NPAS2: variants seen among roughly 807,000 people sequenced by gnomAD.
The protein encoded by NPAS2 is neuronal PAS domain protein 2, also known as neuronal PAS domain-containing protein 2.
A neutral mutation model predicts 107.5 loss-of-function variants in NPAS2; 23 were observed. The observed-to-expected ratio is 0.21, with a 90% CI of 0.15 to 0.30. The LOEUF is 0.30. Ranked by LOEUF, NPAS2 falls within the 10% of genes least tolerant of loss-of-function variation. NPAS2 has a pLI of 1.00. For missense variants in NPAS2, 756 were observed against 1,043.3 expected (o/e 0.72, Z 3.79); for synonymous variants, 403 against 417.5 (o/e 0.97, Z 0.42).
chr2:100,984,305 G>T (rs1553466628), intron 16 of NPAS2: 1 of 151,954 alleles, frequency 6.6e-6, no homozygotes, highest in Non-Finnish European at 1.5e-5. Context: ...TGTGATATTT[G>T]TTTTTTTTAA....
intron 7 of NPAS2, among the ~76,000 whole-genome samples, chr2:100,952,069 G>C (rs530246309): frequency 6.8e-6 from 1 of 148,050 alleles, no homozygotes; most frequent in Non-Finnish European, 1.5e-5. Flanking sequence ...GAAGAATGGC[G>C]TGAACCCGGG....
chr2:100,923,636 T>C (rs1683379121), intron 2 of NPAS2, among the ~76,000 whole-genome samples: 1 of 152,152 alleles, frequency 6.6e-6, no homozygotes, highest in Non-Finnish European at 1.5e-5. Context: ...CTGAGAACCA[T>C]GACCCCGGGC....
At chr2:100,962,027 G>A (rs6747874) in intron 7 of NPAS2, among the ~76,000 whole-genome samples, 46,273 of 151,834 alleles carry the variant, frequency 0.3, 7,888 homozygotes, top group East Asian at 0.71. Flanking sequence ...TTAATTATGC[G>A]GATGTTCACA....
At chr2:100,904,328 G>A (rs1053160864) in intron 1 of NPAS2, among the ~76,000 whole-genome samples, 4 of 152,234 alleles carry the variant, frequency 2.6e-5, no homozygotes, top group Non-Finnish European at 4.4e-5. Context: ...ACTTCTCAAA[G>A]TGTGGTCTGA....
intron 1 of NPAS2, chr2:100,821,175 G>A: frequency 1.5e-6 from 2 of 1,304,596 alleles, no homozygotes; most frequent in South Asian, 2.5e-5. Flanking sequence ...CCGCTCCTCT[G>A]CTTGCCACTC....
At chr2:100,978,438 G>T (rs1020042309) in intron 15 of NPAS2, among the ~76,000 whole-genome samples, 1 of 151,840 alleles carries the variant, frequency 6.6e-6, no homozygotes, top group Non-Finnish European at 1.5e-5. Flanking sequence ...TTTTAGAAAA[G>T]GTCTGAATTG....
intron 15 of NPAS2, among the ~76,000 whole-genome samples, chr2:100,978,827 G>A (rs1345341395): frequency 2.0e-5 from 3 of 152,226 alleles, no homozygotes; most frequent in African/African-American, 4.8e-5. Context: ...AGTTGGCCCC[G>A]GAAAGGTGGG....
intron 2 of NPAS2, among the ~76,000 whole-genome samples, chr2:100,916,308 A>G (rs1682877456): frequency 6.6e-6 from 1 of 152,172 alleles, no homozygotes. Context: ...TTTTGTTCCA[A>G]TGATTTTTTT....
At chr2:100,887,234 A>G (rs906521120) in intron 1 of NPAS2, among the ~76,000 whole-genome samples, 2 of 152,210 alleles carry the variant, frequency 1.3e-5, no homozygotes, top group African/African-American at 4.8e-5. Flanking sequence ...CCTGAGACTC[A>G]GGGGAATTCC....
At chr2:100,857,150 A>T (rs756675971) in intron 1 of NPAS2, among the ~76,000 whole-genome samples, 1 of 152,142 alleles carries the variant, frequency 6.6e-6, no homozygotes, top group East Asian at 1.9e-4. Flanking sequence ...TACTAAAAAT[A>T]CAAAAATTAG....
chr2:100,975,223 A>G (rs1676899631), intron 13 of NPAS2: 2 of 581,008 alleles, frequency 3.4e-6, no homozygotes, highest in East Asian at 2.9e-5. Flanking sequence ...GCGTCTGATC[A>G]GGCAGCTCAT....
At chr2:100,888,182 TC>T (rs1353625784) in intron 1 of NPAS2, among the ~76,000 whole-genome samples, 1 of 152,208 alleles carries the variant, frequency 6.6e-6, no homozygotes, top group African/African-American at 2.4e-5. Flanking sequence ...CAGGCTTCTT[TC>T]CAAACTTTAA....
chr2:100,982,242 G>C lies in NPAS2; in HGVS notation c.1494G>C (p.Gln498His), dbSNP rs746700349. Residue 498 changes from glutamine (Q) to histidine (H), a missense_variant, in exon 16 of 21, where the codon CAG becomes CAC. Physicochemically the swap from Gln to His is conservative, Grantham distance 24. This residue lies in a region of NPAS2 where 496 missense variants were observed against 594.4 expected (regional missense o/e 0.83). Coordinates refer to ENST00000335681, the MANE Select transcript of NPAS2 (RefSeq NM_002518.4). ...GCTCCACCTTGAAGTTTTCGGCACA[G>C]TTCAGCATGTTCCAGACCATCAAAG... is the stretch of plus-strand genomic sequence containing the variant. ...TPAPMAQFSA[Q>H]FSMFQTIKDQ... is the part of the protein sequence containing the mutation. 3.7e-6 allele frequency: 6 copies of C among 1,614,252 alleles called. No individual in the cohort carries two copies. The highest frequency in any genetic ancestry group is 5.1e-6 in the Non-Finnish European group (6 of 1,180,038).
chr2:100,973,659 C>T (rs1320060764), intron 12 of NPAS2, among the ~76,000 whole-genome samples: 5 of 152,160 alleles, frequency 3.3e-5, no homozygotes, highest in African/African-American at 7.2e-5. Context: ...AAAGACAAAA[C>T]GGCCACGCAG....
intron 2 of NPAS2, among the ~76,000 whole-genome samples, chr2:100,914,960 A>G (rs548271800): frequency 2.6e-5 from 4 of 152,304 alleles, no homozygotes; most frequent in African/African-American, 4.8e-5. Context: ...CCTAGACTCA[A>G]TGCAGCCCCA....
intron 7 of NPAS2, among the ~76,000 whole-genome samples, chr2:100,956,910 A>G (rs569005250): frequency 6.6e-6 from 1 of 152,334 alleles, no homozygotes; most frequent in South Asian, 2.1e-4. Flanking sequence ...CTGGTGAACT[A>G]GGTGACGTTA....
intron 2 of NPAS2, among the ~76,000 whole-genome samples, chr2:100,914,968 C>G (rs568253976): frequency 6.6e-6 from 1 of 152,150 alleles, no homozygotes; most frequent in Non-Finnish European, 1.5e-5. Flanking sequence ...CAATGCAGCC[C>G]CACACCCAGA....
At chr2:100,992,025 C>A (rs1267066533) in intron 19 of NPAS2, among the ~76,000 whole-genome samples, 1 of 152,162 alleles carries the variant, frequency 6.6e-6, no homozygotes, top group Non-Finnish European at 1.5e-5. Context: ...TTGTGGGGAG[C>A]CATCTGTAAA....
In NPAS2 at chr2:100,921,425, G is replaced by A. The variant is rs568226528; in HGVS notation, c.33-3721G>A. Among the ~76,000 whole-genome samples the A allele has an allele frequency of 1.3e-4, 20 of 152,290 alleles. No individual in the cohort carries two copies. In the South Asian group the frequency reaches 3.9e-3, roughly 30 times the overall value. The stretch of plus-strand genomic sequence containing the variant: ...CAGACCCAAACTCCCCAAGATGCCC[G>A]ATGATGGACGCTTCAGAACCAGATA... On this transcript the variant is annotated intron_variant, in intron 2 of 20. Coordinates refer to ENST00000335681, the MANE Select transcript of NPAS2 (RefSeq NM_002518.4).
Sources: allele counts gnomAD v4.1 joint callset (sites outside exome capture counted in the v4.1 genomes callset), GRCh38; gene constraint gnomAD v4.1.1; regional missense constraint gnomAD v4.1.1; transcripts MANE v1.5; gene names NCBI Gene and HGNC (gene_info 2026-07-23, HGNC 2026-07-21).